Variants in AGBL4 observed in about 807,000 individuals in gnomAD.
AGBL4 encodes AGBL carboxypeptidase 4, also known as cytosolic carboxypeptidase 6.
In AGBL4, 58 loss-of-function variants were observed where a neutral mutation model predicts 66.4. That is an observed-to-expected ratio of 0.87 (90% CI 0.71 to 1.09). AGBL4 has a LOEUF of 1.09. AGBL4 is among the 50% of genes least tolerant of loss of function. The pLI is 0.00. For synonymous variants in AGBL4, 234 were observed against 222.9 expected (o/e 1.05, Z -0.44); for missense variants, 579 against 631.0 (o/e 0.92, Z 0.88).
intron 3 of AGBL4, among the ~76,000 whole-genome samples, chr1:49,588,869 T>G (rs2124058196): frequency 6.6e-6 from 1 of 152,316 alleles, no homozygotes; most frequent in South Asian, 2.1e-4. Context: ...ATTGATTAAC[T>G]TAACCAAGAC....
At chr1:48,572,875 G>A (rs1023701004) in intron 11 of AGBL4, among the ~76,000 whole-genome samples, 9 of 152,198 alleles carry the variant, frequency 5.9e-5, no homozygotes, top group Admixed American at 4.6e-4. Flanking sequence ...CAACAAAGCC[G>A]CAGCTTGTGG....
intron 3 of AGBL4, among the ~76,000 whole-genome samples, chr1:49,447,727 T>C (rs1646190875): frequency 6.6e-6 from 1 of 152,188 alleles, no homozygotes; most frequent in Non-Finnish European, 1.5e-5. Context: ...AGCTCTCTCA[T>C]CCTTTTTTCA....
chr1:49,196,686 T>G (rs1002811218), intron 4 of AGBL4, among the ~76,000 whole-genome samples: 2 of 151,682 alleles, frequency 1.3e-5, no homozygotes, highest in African/African-American at 4.9e-5. Context: ...TTGTCATAAC[T>G]GAAGAAATCA....
rs928295594 is a variant in AGBL4 at position 49,924,302 on chromosome 1, G to A, written c.35-72784C>T. Among the ~76,000 whole-genome samples, 89 of 152,216 alleles carry A rather than the reference G, an allele frequency of 5.8e-4. 1 individual carries two copies. The highest frequency in any genetic ancestry group is 2.0e-3 in the African/African-American group (85 of 41,520). On this transcript the variant is annotated intron_variant, in intron 1 of 13. Transcript: ENST00000371839. ...TGGGGCCTTCTGGAGGATGGAGAGTGGGAGGAGGGAGAGGATCAGGAAAAA... is the reference window on the plus strand; with the variant it reads ...TGGGGCCTTCTGGAGGATGGAGAGTAGGAGGAGGGAGAGGATCAGGAAAAA...
At position 48,655,625 on chromosome 1, in the gene AGBL4, G is replaced by T. The variant is rs1646008446; in HGVS notation, c.725-2174C>A. The stretch of plus-strand genomic sequence containing the variant: ...GATCCTGTGTTAGCTGCCTGACACA[G>T]CACCTGAAAGTTGTGGCATGCTTCA... On this transcript the variant is annotated intron_variant, in intron 7 of 13. Coordinates refer to ENST00000371839, the MANE Select transcript of AGBL4 (RefSeq NM_032785.4). Among the ~76,000 whole-genome samples the T allele has an allele frequency of 1.3e-5, 2 of 152,218 alleles. 1 individual carries two copies. Among genetic ancestry groups the T allele is most frequent in the African/African-American group, 4.8e-5 (2 of 41,468 alleles).
intron 1 of AGBL4, among the ~76,000 whole-genome samples, chr1:50,001,140 G>C (rs1487523280): frequency 6.6e-6 from 1 of 151,398 alleles, no homozygotes; most frequent in Non-Finnish European, 1.5e-5. Context: ...GTCTGTATAT[G>C]TGGTATGACC....
intron 6 of AGBL4, among the ~76,000 whole-genome samples, chr1:48,828,152 C>T (rs554657394): frequency 6.0e-5 from 9 of 149,180 alleles, no homozygotes; most frequent in African/African-American, 1.7e-4. Context: ...GCCAAGATTG[C>T]GCCACTGTAC....
rs543173729 is a variant in AGBL4, at chr1:49,048,915, T to A, written c.378-3115A>T. ...GTATTCATAATCCCTACAGTATCTT[T>A]CCACTCCCCTTTTCCCCTTGCCATC... is the stretch of plus-strand genomic sequence containing the variant. On this transcript the variant is annotated intron_variant, in intron 4 of 13. Transcript: ENST00000371839. 4.6e-5 allele frequency among the ~76,000 whole-genome samples: 7 copies of A among 152,202 alleles called. No individual in the cohort carries two copies. In the East Asian group the frequency reaches 1.2e-3, roughly 25 times the overall value.
At chr1:49,946,710 C>G (rs1038886642) in intron 1 of AGBL4, among the ~76,000 whole-genome samples, 4 of 151,538 alleles carry the variant, frequency 2.6e-5, no homozygotes, top group Admixed American at 6.6e-5. Flanking sequence ...AAGATCAGAG[C>G]AGAACTAAAT....
In AGBL4 at chr1:48,861,281, G is replaced by A. The variant is rs552285258; in HGVS notation, c.634+5910C>T. ...ATGGAGGGCTGCTTAATAGCATCTA[G>A]CATTTGTCCAATAGAAATTGTTGAA... On this transcript the variant is annotated intron_variant, in intron 6 of 13. Coordinates refer to ENST00000371839, the MANE Select transcript of AGBL4 (RefSeq NM_032785.4). Among the ~76,000 whole-genome samples, 7 of 152,220 alleles carry A rather than the reference G, an allele frequency of 4.6e-5. No homozygotes were observed. The South Asian group carries it at 1.5e-3, about 32-fold the overall frequency.
chr1:49,945,890 G>A (rs1312605860), intron 1 of AGBL4, among the ~76,000 whole-genome samples: 2 of 151,924 alleles, frequency 1.3e-5, no homozygotes, highest in African/African-American at 2.4e-5. Flanking sequence ...AATGGACAAC[G>A]AAAGTGAGCA....
chr1:49,296,185 A>G (rs1327766113), intron 3 of AGBL4, among the ~76,000 whole-genome samples: 1 of 152,218 alleles, frequency 6.6e-6, no homozygotes, highest in Non-Finnish European at 1.5e-5. Flanking sequence ...GTTTATCAGC[A>G]TTATTCCTAA....
chr1:48,805,418 G>T (rs186407594), intron 6 of AGBL4, among the ~76,000 whole-genome samples: 7 of 152,138 alleles, frequency 4.6e-5, no homozygotes, highest in African/African-American at 1.7e-4. Flanking sequence ...ATAGCTGTGC[G>T]GTAGAATCCC....
At chr1:48,833,271 A>T (rs970484671) in intron 6 of AGBL4, among the ~76,000 whole-genome samples, 21 of 152,146 alleles carry the variant, frequency 1.4e-4, no homozygotes, top group African/African-American at 5.1e-4. Flanking sequence ...AATGAGAAAC[A>T]TGTTATTAGA....
chr1:49,015,186 G>GT (rs1038484473), intron 5 of AGBL4, among the ~76,000 whole-genome samples: 6 of 151,988 alleles, frequency 3.9e-5, no homozygotes, highest in African/African-American at 7.2e-5. Context: ...TTGTGTTGGG[G>GT]TTTTTTTGGG....
At chr1:49,781,275 T>A (rs979613789) in intron 2 of AGBL4, among the ~76,000 whole-genome samples, 1 of 152,022 alleles carries the variant, frequency 6.6e-6, no homozygotes, top group Non-Finnish European at 1.5e-5. Flanking sequence ...ACACCTATAA[T>A]CCTAGCTATT....
chr1:49,178,109 G>A (rs12062775), intron 4 of AGBL4, among the ~76,000 whole-genome samples: 16,849 of 152,046 alleles, frequency 0.11, 1,582 homozygotes, highest in African/African-American at 0.25. Flanking sequence ...AAGAGCAAAG[G>A]CTTTGGAGCT....
chr1:49,406,743 G>A (rs1360731399), intron 3 of AGBL4, among the ~76,000 whole-genome samples: 1 of 151,766 alleles, frequency 6.6e-6, no homozygotes, highest in Non-Finnish European at 1.5e-5. Context: ...TTTTTTTTCT[G>A]TATTTTATTC....
At chr1:48,886,525 T>C (rs551444544) in intron 5 of AGBL4, among the ~76,000 whole-genome samples, 1 of 152,148 alleles carries the variant, frequency 6.6e-6, no homozygotes, top group Non-Finnish European at 1.5e-5. Flanking sequence ...ATTGGGCAGC[T>C]CAGCCGGCCA....
Sources: gnomAD v4.1 joint callset for allele counts (sites outside exome capture counted in the v4.1 genomes callset) on GRCh38, gnomAD v4.1.1 for gene constraint, MANE v1.5 for transcripts, NCBI Gene and HGNC (gene_info 2026-07-23, HGNC 2026-07-21) for gene names.